KPNA3: variants seen among roughly 807,000 people sequenced by gnomAD.
KPNA3 encodes importin subunit alpha-4.
KPNA3 carries 13 observed loss-of-function variants against 73.8 expected under a neutral mutation model. That is an observed-to-expected ratio of 0.18 (90% confidence interval 0.11 to 0.28). KPNA3 has a LOEUF of 0.28. Among genes scored for constraint, KPNA3 ranks in the 10% least tolerant of loss-of-function variants. KPNA3 has a pLI of 1.00. For missense variants in KPNA3, 360 were observed against 618.1 expected, an observed-to-expected ratio of 0.58 and a Z score of 4.43; for synonymous variants, 186 against 206.9, an observed-to-expected ratio of 0.90 and a Z score of 0.87.
chr13:49,767,427 A>C (rs1260933012), intron 1 of KPNA3, among the ~76,000 whole-genome samples: 1 of 151,824 alleles, frequency 6.6e-6, no homozygotes, highest in Non-Finnish European at 1.5e-5. Context: ...AAAAAAAAAA[A>C]AAAGAAGAAA....
At position 49,700,342 on chromosome 13, in the gene KPNA3, A is replaced by T. The variant is rs1954135984; in HGVS notation, c.*1458T>A. 6.6e-6 allele frequency: 1 copy of T among 152,630 alleles called. No homozygotes were observed. The highest frequency in any genetic ancestry group is 1.5e-5 in the Non-Finnish European group (1 of 68,034). The allele number at this position is 152,630 out of a possible 1,614,324, so 9.5% of individuals were successfully genotyped here. A position where few individuals can be genotyped will look rare whatever the true frequency, so the allele number is the denominator to read the frequency against. ...TAGTTTAGATTTTCTATCCCTTCACATCAATGCATTGGGAAATTATACCCA... is the reference window on the plus strand; with the variant it reads ...TAGTTTAGATTTTCTATCCCTTCACTTCAATGCATTGGGAAATTATACCCA... On this transcript the variant is annotated 3_prime_UTR_variant, in exon 17 of 17. Coordinates refer to ENST00000261667, the MANE Select transcript of KPNA3 (RefSeq NM_002267.4).
At chr13:49,730,574 A>G (rs914129208) in intron 6 of KPNA3, among the ~76,000 whole-genome samples, 4 of 146,908 alleles carry the variant, frequency 2.7e-5, no homozygotes, top group Non-Finnish European at 6.0e-5. Context: ...GGAGGGTCCT[A>G]AAGGTAGAAG....
intron 7 of KPNA3, among the ~76,000 whole-genome samples, chr13:49,723,535 C>A (rs1395605793): frequency 6.6e-6 from 1 of 151,686 alleles, no homozygotes; most frequent in East Asian, 1.9e-4. Flanking sequence ...TGCCACTGCA[C>A]TCCAGCCTGG....
At chr13:49,771,217 T>C (rs1205375855) in intron 1 of KPNA3, among the ~76,000 whole-genome samples, 1 of 152,058 alleles carries the variant, frequency 6.6e-6, no homozygotes, top group Non-Finnish European at 1.5e-5. Context: ...TATGGGAAAT[T>C]GCATTGAATC....
chr13:49,716,038 T>C (rs919440155), intron 10 of KPNA3, among the ~76,000 whole-genome samples: 1 of 152,066 alleles, frequency 6.6e-6, no homozygotes, highest in Non-Finnish European at 1.5e-5. Flanking sequence ...AATAATGAAA[T>C]TGTAGACTGA....
intron 2 of KPNA3, among the ~76,000 whole-genome samples, chr13:49,741,578 C>T (rs1006194161): frequency 6.6e-6 from 1 of 151,926 alleles, no homozygotes; most frequent in Non-Finnish European, 1.5e-5. Context: ...CTCAGCCTCC[C>T]GAGTAGCTGG....
chr13:49,777,629 G>A (rs1403238343), intron 1 of KPNA3, among the ~76,000 whole-genome samples: 1 of 151,608 alleles, frequency 6.6e-6, no homozygotes, highest in Non-Finnish European at 1.5e-5. Context: ...GCCTCCCAAG[G>A]AGCTTGGACT....
intron 9 of KPNA3, among the ~76,000 whole-genome samples, 180 bp downstream of exon 9, chr13:49,721,775 G>A (rs377547767): frequency 1.3e-5 from 2 of 151,934 alleles, no homozygotes; most frequent in East Asian, 1.9e-4. Context: ...AGCCAAGATC[G>A]CGCCACTGCA....
At chr13:49,751,057 T>C (rs1473528957) in intron 1 of KPNA3, among the ~76,000 whole-genome samples, 2 of 152,092 alleles carry the variant, frequency 1.3e-5, no homozygotes, top group Non-Finnish European at 2.9e-5. Flanking sequence ...AGAGGAGATA[T>C]AATCAGAGGG....
intron 10 of KPNA3, among the ~76,000 whole-genome samples, chr13:49,716,483 C>T (rs934289436): frequency 3.9e-5 from 6 of 152,014 alleles, no homozygotes; most frequent in African/African-American, 1.2e-4. Flanking sequence ...CTGTTGCCCA[C>T]GTGGGAGTGC....
intron 1 of KPNA3, among the ~76,000 whole-genome samples, chr13:49,769,807 C>T (rs919158360): frequency 2.0e-5 from 3 of 152,178 alleles, no homozygotes; most frequent in Non-Finnish European, 4.4e-5. Context: ...GATATGGGAA[C>T]TCTATGATTA....
At position 49,706,182 on chromosome 13, in the gene KPNA3, A is replaced by C; in HGVS notation, c.1138-13T>G. On this transcript the variant is annotated splice_polypyrimidine_tract_variant and intron_variant, in intron 13 of 16. Transcript: ENST00000261667. ...TTCCAAAGTCCCCCTGAAGGTTAAA[A>C]ATGAGATCATAAAATGGACTCTTTA... is the stretch of plus-strand genomic sequence containing the variant. 6.2e-7 allele frequency: 1 copy of C among 1,613,434 alleles called. No individual in the cohort carries two copies. The highest frequency in any genetic ancestry group is 1.1e-5 in the South Asian group (1 of 90,840).
chr13:49,782,400 C>A (rs922545498), intron 1 of KPNA3, among the ~76,000 whole-genome samples: 1 of 152,156 alleles, frequency 6.6e-6, no homozygotes, highest in African/African-American at 2.4e-5. Flanking sequence ...CAGGTACAAT[C>A]ACACTTTTTC....
At position 49,702,482 on chromosome 13, in the gene KPNA3, T is replaced by C. The variant is rs751012349; in HGVS notation, c.1373-2A>G. ...GTAAAACTTCAATTTTCTCCAAACC[T>C]GGTAAAAATAAAATAATCAAAATAA... On this transcript the variant is annotated splice_acceptor_variant, in intron 15 of 16. Coordinates refer to ENST00000261667, the MANE Select transcript of KPNA3 (RefSeq NM_002267.4). LOFTEE classifies it high-confidence loss of function. 1 of 1,458,384 alleles carries C rather than the reference T, an allele frequency of 6.9e-7. No individual in the cohort carries two copies. The allele number at this position is 1,458,384 out of a possible 1,614,324, so 90.3% of individuals were successfully genotyped here.
chr13:49,759,569 C>A (rs1222403389), intron 1 of KPNA3, among the ~76,000 whole-genome samples: 2 of 152,174 alleles, frequency 1.3e-5, no homozygotes, highest in African/African-American at 4.8e-5. Context: ...GAGGTCCCAT[C>A]TGGGGATGAT....
At chr13:49,766,176 G>GT (rs1236697770) in intron 1 of KPNA3, among the ~76,000 whole-genome samples, 1 of 152,140 alleles carries the variant, frequency 6.6e-6, no homozygotes, top group Non-Finnish European at 1.5e-5. Context: ...AGTCATCAAT[G>GT]TTTGTTTCCC....
intron 12 of KPNA3, among the ~76,000 whole-genome samples, chr13:49,709,256 C>A (rs1031617365): frequency 5.9e-5 from 9 of 151,982 alleles, no homozygotes; most frequent in Non-Finnish European, 1.5e-5. Flanking sequence ...CAAAAATTAG[C>A]TGGGCGTGGT....
chr13:49,787,779 A>G (rs1245647975), intron 1 of KPNA3, among the ~76,000 whole-genome samples: 2 of 150,724 alleles, frequency 1.3e-5, no homozygotes, highest in Non-Finnish European at 2.9e-5. Context: ...TCCCGGGTTC[A>G]CGCCATTCTC....
At chr13:49,763,213 CA>C (rs1954782924) in intron 1 of KPNA3, among the ~76,000 whole-genome samples, 1 of 151,922 alleles carries the variant, frequency 6.6e-6, no homozygotes, top group Admixed American at 6.6e-5. Flanking sequence ...TGAAAAGAAC[CA>C]AACAGAACTC....
Sources: allele counts gnomAD v4.1 joint callset (sites outside exome capture counted in the v4.1 genomes callset), GRCh38; gene constraint gnomAD v4.1.1; transcripts MANE v1.5; gene names NCBI Gene and HGNC (gene_info 2026-07-23, HGNC 2026-07-21).